CFAP74: variants seen among roughly 807,000 people sequenced by gnomAD.
The protein encoded by CFAP74 is cilia and flagella associated protein 74.
CFAP74 carries 124 observed loss-of-function variants against 188.9 expected under a neutral mutation model. The ratio of observed to expected loss-of-function variants is 0.66; its 90% CI spans 0.57 to 0.76. The LOEUF is 0.76. Ranked by LOEUF, CFAP74 falls within the 30% of genes least tolerant of loss-of-function variation. The pLI is 0.00. For synonymous variants in CFAP74, 956 were observed against 916.7 expected (o/e 1.04, Z -0.77); for missense variants, 2,198 against 2,165.2 (o/e 1.02, Z -0.30).
chr1:1,967,254 C>T (rs756017458), intron 11 of CFAP74, among the ~76,000 whole-genome samples: 2 of 152,214 alleles, frequency 1.3e-5, no homozygotes, highest in Non-Finnish European at 2.9e-5. Context: ...CCTATCTGCT[C>T]TGGCTCTGTC....
At chr1:1,988,235 A>G (rs2102104897) in intron 4 of CFAP74, 1 of 634,712 alleles carries the variant, frequency 1.6e-6, no homozygotes, top group East Asian at 3.2e-5. Flanking sequence ...AAACACAGAA[A>G]GAAGCTACAA....
chr1:1,968,856 T>C lies in CFAP74; in HGVS notation c.1047-23A>G, dbSNP rs1570938286. The C allele has an allele frequency of 4.3e-6, 7 of 1,611,854 alleles. No individual in the cohort carries two copies. In the African/African-American group the frequency reaches 5.3e-5, roughly 12 times the overall value. ...GCCCTGCGTGGAGTCGCTTCTCAGATGAGTGCAAGAGGTCCCCTGCCTCCA... is the reference window on the plus strand; with the variant it reads ...GCCCTGCGTGGAGTCGCTTCTCAGACGAGTGCAAGAGGTCCCCTGCCTCCA... On this transcript the variant is annotated intron_variant, in intron 10 of 38. Transcript: ENST00000682832. The surrounding 1 kb of genome is among the most constrained non-coding windows in gnomAD (Gnocchi z 4.3).
Position 1,921,974 on chromosome 1 carries a change from T to G in CFAP74, c.*313A>C. On this transcript the variant is annotated 3_prime_UTR_variant, in exon 39 of 39. Coordinates refer to ENST00000682832, the MANE Select transcript of CFAP74 (RefSeq NM_001304360.2). ...GCTGCATGTGTTGGCCTACAAAAAATTTATTGACAGGCTGTGGAGGGCTCT... is the reference window on the plus strand; with the variant it reads ...GCTGCATGTGTTGGCCTACAAAAAAGTTATTGACAGGCTGTGGAGGGCTCT... The G allele has an allele frequency of 2.9e-6, 1 of 350,422 alleles. No individual in the cohort carries two copies. Among genetic ancestry groups the G allele is most frequent in the East Asian group, 6.4e-5 (1 of 15,538 alleles). 21.7% of individuals were successfully genotyped at this position (350,422 alleles called of 1,614,324 possible).
chr1:1,946,231 G>A (rs946690616), intron 20 of CFAP74, 86 bp downstream of exon 20: 17 of 1,443,148 alleles, frequency 1.2e-5, no homozygotes, highest in South Asian at 2.8e-5. Context: ...GGCAAATGGC[G>A]ACCTTGTGGC....
At chr1:1,961,352 G>A (rs1000099552) in intron 14 of CFAP74, among the ~76,000 whole-genome samples, 4 of 152,124 alleles carry the variant, frequency 2.6e-5, no homozygotes, top group African/African-American at 7.2e-5. Flanking sequence ...GCAGAGCTGC[G>A]GGACATTAAG....
At chr1:1,949,029 TC>T (rs1654020489) in intron 18 of CFAP74, among the ~76,000 whole-genome samples, 2 of 118,840 alleles carry the variant, frequency 1.7e-5, no homozygotes, top group African/African-American at 3.4e-5. Flanking sequence ...CTTCCTTCTC[TC>T]CCTCCCTCCT....
chr1:1,924,826 C>T (rs1346391350), intron 33 of CFAP74, among the ~76,000 whole-genome samples: 2 of 152,238 alleles, frequency 1.3e-5, no homozygotes, highest in Non-Finnish European at 2.9e-5. Flanking sequence ...GCTGAACCCA[C>T]GTCCCCACCT....
rs777969794 is a variant in CFAP74, at chr1:1,972,981, C to G, written c.741G>C (p.Lys247Asn). The change falls in exon 8 of 39, where the codon AAG becomes AAC. Residue 247 changes from lysine (K) to asparagine (N), a missense_variant. Transcript: ENST00000682832. ...GGAACCGCACGGCAACCTTGTGGTT[C>G]TTCCGGGCGTCCTCCAGCAGCTTCT... Reference protein sequence around the residue: ...RHQKLLEDARKNHKVAVRFLK... With the variant: ...RHQKLLEDARNNHKVAVRFLK... 1 of 1,614,064 alleles carries G rather than the reference C, an allele frequency of 6.2e-7. No homozygotes were observed. The highest frequency in any genetic ancestry group is 8.5e-7 in the Non-Finnish European group (1 of 1,180,018).
At chr1:1,952,590 A>AAAAGAAAGAAAGAAAGAAAGAAAG (rs58267869) in intron 18 of CFAP74, among the ~76,000 whole-genome samples, 178 of 148,664 alleles carry the variant, frequency 1.2e-3, no homozygotes, top group African/African-American at 4.3e-3. Context: ...GAAGCAAAGA[A>AAAAGAAAGAAAGAAAGAAAGAAAG]AAAGAAAGAA....
rs541250355 is a variant in CFAP74 at position 1,966,643 on chromosome 1, C to T, written c.1246-117G>A. 6.2e-5 allele frequency: 58 copies of T among 931,860 alleles called. No individual in the cohort carries two copies. In the South Asian group the frequency reaches 9.1e-4, roughly 15 times the overall value. The allele number at this position is 931,860 out of a possible 1,614,324, so 57.7% of individuals were successfully genotyped here. A position where few individuals can be genotyped will look rare whatever the true frequency, so the allele number is the denominator to read the frequency against. On this transcript the variant is annotated intron_variant, in intron 11 of 38. Coordinates refer to ENST00000682832, the MANE Select transcript of CFAP74 (RefSeq NM_001304360.2). The stretch of plus-strand genomic sequence containing the variant: ...TGCCTGCCCCCGTTCTTCTGCCTCA[C>T]GTACTCTGCATGGAGATAGCGGTGC...
At chr1:1,961,284 T>C (rs1655073498) in intron 14 of CFAP74, among the ~76,000 whole-genome samples, 1 of 152,100 alleles carries the variant, frequency 6.6e-6, no homozygotes, top group South Asian at 2.1e-4. Flanking sequence ...AAGATCTGAA[T>C]CTTCAGATTC....
chr1:1,945,753 A>G (rs1570880683), intron 20 of CFAP74, among the ~76,000 whole-genome samples: 1 of 150,982 alleles, frequency 6.6e-6, no homozygotes, highest in South Asian at 2.1e-4. Flanking sequence ...ACTTGAGCCC[A>G]GGGGTTAGAG....
At chr1:1,964,348 G>C (rs1570928674) in intron 13 of CFAP74, among the ~76,000 whole-genome samples, 1 of 152,244 alleles carries the variant, frequency 6.6e-6, no homozygotes, top group Non-Finnish European at 1.5e-5. Context: ...AAGTGGCACA[G>C]GGCTTTCGGG....
intron 8 of CFAP74, among the ~76,000 whole-genome samples, chr1:1,972,616 C>T (rs1428069972): frequency 6.6e-6 from 1 of 152,166 alleles, no homozygotes; most frequent in African/African-American, 2.4e-5. Context: ...GAGGCTGAGG[C>T]GGGCAGATCA....
At chr1:1,958,410 G>A (rs950582257) in intron 16 of CFAP74, among the ~76,000 whole-genome samples, 4 of 152,238 alleles carry the variant, frequency 2.6e-5, no homozygotes, top group African/African-American at 7.2e-5. Context: ...TCGTGCTGCC[G>A]TAGCTGCCAC....
intron 4 of CFAP74, chr1:1,988,142 T>C (rs1182118067): frequency 4.1e-6 from 2 of 483,322 alleles, no homozygotes; most frequent in South Asian, 1.5e-5. Context: ...CGCTGAAATA[T>C]TTAGGAGTGA....
chr1:1,988,203 G>A, intron 4 of CFAP74: 2 of 576,418 alleles, frequency 3.5e-6, no homozygotes, highest in South Asian at 1.5e-5. Flanking sequence ...AAATCCCATA[G>A]ATATAAAATA....
At chr1:1,993,634 T>C (rs1202148011) in intron 1 of CFAP74, among the ~76,000 whole-genome samples, 1 of 150,178 alleles carries the variant, frequency 6.7e-6, no homozygotes, top group African/African-American at 2.4e-5. Context: ...TTTTAACGCC[T>C]ATTAATCACA....
intron 9 of CFAP74, among the ~76,000 whole-genome samples, 187 bp from the exon 10 acceptor site, chr1:1,971,003 C>G (rs1365696075): frequency 1.3e-5 from 2 of 150,772 alleles, no homozygotes; most frequent in African/African-American, 4.9e-5. Flanking sequence ...CACACACGCA[C>G]ACCTGCACAT....
Sources: allele counts gnomAD v4.1 joint callset (sites outside exome capture counted in the v4.1 genomes callset), GRCh38; gene constraint gnomAD v4.1.1; non-coding constraint Gnocchi (gnomAD v3.1); transcripts MANE v1.5; gene names NCBI Gene and HGNC (gene_info 2026-07-23, HGNC 2026-07-21).